LEPR: variants seen among roughly 807,000 people sequenced by gnomAD.
The protein encoded by LEPR is OB receptor.
In LEPR, 56 loss-of-function variants were observed where a neutral mutation model predicts 114.7. The observed-to-expected ratio is 0.49, with a 90% CI of 0.39 to 0.61. The LOEUF is 0.61. LEPR is among the 20% of genes least tolerant of loss of function. The pLI is 0.00. For synonymous variants in LEPR, 443 were observed against 461.4 expected, an observed-to-expected ratio of 0.96 and a Z score of 0.51; for missense variants, 1,202 against 1,352.9, an observed-to-expected ratio of 0.89 and a Z score of 1.75.
upstream of LEPR, chr1:65,420,667 C>T (rs1646226176): frequency 1.3e-6 from 2 of 1,554,594 alleles, no homozygotes; most frequent in African/African-American, 2.7e-5. Context: ...CTGGCTTGGG[C>T]AGGCTGCCCG....
At chr1:65,437,160 G>A (rs1038301561) in intron 2 of LEPR, among the ~76,000 whole-genome samples, 2 of 152,164 alleles carry the variant, frequency 1.3e-5, no homozygotes, top group South Asian at 2.1e-4. Context: ...GGTTTTAATC[G>A]GATTCCTGAT....
intron 2 of LEPR, among the ~76,000 whole-genome samples, chr1:65,451,963 G>C (rs1646791868): frequency 6.6e-6 from 1 of 151,078 alleles, no homozygotes; most frequent in African/African-American, 2.4e-5. Context: ...TTGAGCAGTG[G>C]TTTGTAGTTC....
chr1:65,435,340 G>T (rs190608216), intron 2 of LEPR: 2 of 978,974 alleles, frequency 2.0e-6, no homozygotes, highest in African/African-American at 3.5e-5. Flanking sequence ...TGCTTAGGTG[G>T]TGTCACAAAA....
chr1:65,604,751 A>G (rs1316144533), intron 10 of LEPR, among the ~76,000 whole-genome samples: 1 of 152,226 alleles, frequency 6.6e-6, no homozygotes, highest in Non-Finnish European at 1.5e-5. Flanking sequence ...ACCTCCTGTC[A>G]GATCAGCGCA....
Position 65,570,573 on chromosome 1 carries a change from C to G in LEPR, c.141C>G (p.Phe47Leu), listed in dbSNP as rs765766605. Residue 47 changes from phenylalanine (F) to leucine (L), a missense_variant, in exon 4 of 20, where the codon TTC becomes TTG. Physicochemically the swap from Phe to Leu is conservative, Grantham distance 22. Coordinates refer to ENST00000349533, the MANE Select transcript of LEPR (RefSeq NM_002303.6). ...CACCAAATTCAACCTATGACTACTT[C>G]CTTTTGCCTGCTGGACTCTCAAAGA... The part of the protein sequence containing the change: ...CMPPNSTYDY[F>L]LLPAGLSKNT... The G allele has an allele frequency of 1.2e-5, 19 of 1,613,986 alleles. 1 individual carries two copies. In the South Asian group the frequency reaches 1.8e-4, roughly 15 times the overall value.
intron 2 of LEPR, among the ~76,000 whole-genome samples, chr1:65,550,226 G>A (rs1428088094): frequency 6.6e-6 from 1 of 152,148 alleles, no homozygotes; most frequent in African/African-American, 2.4e-5. Flanking sequence ...TGCCCCTACT[G>A]GGGGGTGCCT....
intron 5 of LEPR, among the ~76,000 whole-genome samples, chr1:65,586,573 AT>A (rs1655332709): frequency 6.6e-6 from 1 of 151,958 alleles, no homozygotes; most frequent in African/African-American, 2.4e-5. Flanking sequence ...ATGTTACTAC[AT>A]TTATGGGCAC....
intron 2 of LEPR, among the ~76,000 whole-genome samples, chr1:65,500,976 T>C (rs1184015220): frequency 6.6e-6 from 1 of 152,068 alleles, no homozygotes; most frequent in Admixed American, 6.6e-5. Flanking sequence ...AATAATAAAG[T>C]TCTATACATT....
intron 2 of LEPR, among the ~76,000 whole-genome samples, chr1:65,462,389 C>T (rs985468680): frequency 1.3e-5 from 2 of 152,294 alleles, no homozygotes; most frequent in East Asian, 1.9e-4. Context: ...TTTCTTAATC[C>T]GTTCTATCAT....
At chr1:65,574,454 G>A (rs1260503826) in intron 5 of LEPR, among the ~76,000 whole-genome samples, 1 of 152,108 alleles carries the variant, frequency 6.6e-6, no homozygotes, top group Non-Finnish European at 1.5e-5. Flanking sequence ...AAATTAGGGG[G>A]GGTGGAGCTC....
intron 5 of LEPR, chr1:65,577,274 CA>C (rs1654657032): frequency 6.5e-6 from 1 of 153,910 alleles, no homozygotes; most frequent in African/African-American, 2.4e-5. Flanking sequence ...CAATCCCTCA[CA>C]CTTTATGTTT....
intron 2 of LEPR, among the ~76,000 whole-genome samples, chr1:65,528,591 C>T (rs1023046722): frequency 6.6e-6 from 1 of 151,702 alleles, no homozygotes; most frequent in South Asian, 2.1e-4. Flanking sequence ...TAAATAAAAT[C>T]TTTAAAACAT....
chr1:65,582,982 C>T (rs924521386), intron 5 of LEPR, among the ~76,000 whole-genome samples: 34 of 152,110 alleles, frequency 2.2e-4, no homozygotes, highest in East Asian at 3.9e-4. Context: ...ACTCTGGCCA[C>T]GAGGGAATAA....
chr1:65,527,329 G>C (rs1235026642), intron 2 of LEPR, among the ~76,000 whole-genome samples: 1 of 152,166 alleles, frequency 6.6e-6, no homozygotes, highest in East Asian at 1.9e-4. Flanking sequence ...ATGAATCCCA[G>C]AAAATAGCAG....
At chr1:65,590,533 A>G (rs1437982960) in intron 5 of LEPR, among the ~76,000 whole-genome samples, 1 of 151,566 alleles carries the variant, frequency 6.6e-6, no homozygotes, top group African/African-American at 2.4e-5. Flanking sequence ...ATGAGAGCTG[A>G]TGGTTTTATA....
intron 2 of LEPR, among the ~76,000 whole-genome samples, chr1:65,506,367 G>T (rs1417062297): frequency 6.6e-6 from 1 of 152,202 alleles, no homozygotes; most frequent in Non-Finnish European, 1.5e-5. Flanking sequence ...AGATTTTACA[G>T]CACACTATGT....
chr1:65,554,422 G>T (rs529867754), intron 2 of LEPR, among the ~76,000 whole-genome samples: 10 of 152,304 alleles, frequency 6.6e-5, no homozygotes, highest in African/African-American at 2.4e-4. Context: ...CAGAGAGGAG[G>T]AATCTAGAGA....
intron 11 of LEPR, 118 bp from the exon 12 acceptor site, chr1:65,608,631 TGAGA>T: frequency 3.6e-6 from 4 of 1,116,272 alleles, no homozygotes; most frequent in Middle Eastern, 5.9e-4. Context: ...AGATAATGAG[TGAGA>T]AAGTTATGAA....
At chr1:65,483,235 A>ATACAAATCAATATTGATTTTTC (rs374250633) in intron 2 of LEPR, among the ~76,000 whole-genome samples, 13 of 152,112 alleles carry the variant, frequency 8.5e-5, no homozygotes, top group Admixed American at 5.2e-4. Context: ...GTATTCAGAT[A>ATACAAATCAATATTGATTTTTC]TACAAATCAA....
Sources: gnomAD v4.1 joint callset for allele counts (sites outside exome capture counted in the v4.1 genomes callset) on GRCh38, gnomAD v4.1.1 for gene constraint, MANE v1.5 for transcripts, NCBI Gene and HGNC (gene_info 2026-07-23, HGNC 2026-07-21) for gene names.